ASXL3: variants seen among roughly 807,000 people sequenced by gnomAD.
The protein encoded by ASXL3 is putative Polycomb group protein ASXL3.
A neutral mutation model predicts 170.6 loss-of-function variants in ASXL3; 34 were observed. That is an observed-to-expected ratio of 0.20 (90% CI 0.15 to 0.27). The LOEUF (loss-of-function observed/expected upper bound fraction) is 0.27, where lower values mean the gene tolerates loss of function less well. Ranked by LOEUF, ASXL3 falls within the 10% of genes least tolerant of loss-of-function variation. The pLI is 1.00. For synonymous variants in ASXL3, 1,002 were observed against 989.1 expected (o/e 1.01, Z -0.24); for missense variants, 2,592 against 2,695.3 (o/e 0.96, Z 0.85).
intron 2 of ASXL3, among the ~76,000 whole-genome samples, chr18:33,615,177 C>A (rs1340031916): frequency 2.0e-5 from 3 of 152,126 alleles, no homozygotes; most frequent in Non-Finnish European, 1.5e-5. Context: ...CCACCTTTGT[C>A]AATGATCTTA....
chr18:33,604,434 T>C lies in ASXL3; in HGVS notation c.55-3160T>C, dbSNP rs1341793140. ...AATTAGATGTTTCGTTGAATTCCAA[T>C]CTCAATTTCATCTGGAAAAATAAAG... On this transcript the variant is annotated intron_variant, in intron 1 of 11. Transcript: ENST00000269197. Among the ~76,000 whole-genome samples the C allele has an allele frequency of 2.0e-5, 3 of 151,446 alleles. No individual in the cohort carries two copies. The East Asian group carries it at 5.9e-4, about 30-fold the overall frequency.
chr18:33,734,370 C>T lies in ASXL3; in HGVS notation c.1037C>T (p.Thr346Ile), dbSNP rs764330971. 1.4e-5 allele frequency: 22 copies of T among 1,609,068 alleles called. No individual in the cohort carries two copies. The highest frequency in any genetic ancestry group is 1.9e-5 in the Non-Finnish European group (22 of 1,178,030). Residue 346 changes from threonine (T) to isoleucine (I), a missense_variant, in exon 10 of 12, where the codon ACA (threonine) becomes ATA (isoleucine). By Grantham distance (89) the Thr-to-Ile change is moderately conservative. Coordinates refer to ENST00000269197, the MANE Select transcript of ASXL3 (RefSeq NM_030632.3). ...CAAGAAATTGAGAAGGAAAAGAAAACAGAACCTTGGAAAGAAAAATTCTTT... is the reference window on the plus strand; with the variant it reads ...CAAGAAATTGAGAAGGAAAAGAAAATAGAACCTTGGAAAGAAAAATTCTTT... ...IRQEIEKEKK[T>I]EPWKEKFFER...
chr18:33,630,858 G>A (rs956534657), intron 2 of ASXL3, among the ~76,000 whole-genome samples: 1 of 151,796 alleles, frequency 6.6e-6, no homozygotes, highest in Non-Finnish European at 1.5e-5. Flanking sequence ...TCTTCAACAT[G>A]TAATTTTTTT....
At position 33,744,195 on chromosome 18, in the gene ASXL3, T is replaced by C; in HGVS notation, c.4347T>C (p.Asn1449=). Reference sequence around the variant, plus strand: ...CAGGGCCTCGAAACAGGGCAGATAATTCTGGAAAACCTCAGCAACCACCAG... The same window carrying C: ...CAGGGCCTCGAAACAGGGCAGATAACTCTGGAAAACCTCAGCAACCACCAG... ...KNSGPRNRAD[N]SGKPQQPPGG... is the part of the protein sequence containing the mutation. The change falls in exon 12 of 12, where the codon AAT becomes AAC. Residue 1449 remains asparagine (N), a synonymous_variant. Coordinates refer to ENST00000269197, the MANE Select transcript of ASXL3 (RefSeq NM_030632.3). 1 of 1,613,920 alleles carries C rather than the reference T, an allele frequency of 6.2e-7. No individual in the cohort carries two copies. Among genetic ancestry groups the C allele is most frequent in the Non-Finnish European group, 8.5e-7 (1 of 1,179,896 alleles).
At chr18:33,656,070 A>C (rs1269985183) in intron 4 of ASXL3, among the ~76,000 whole-genome samples, 1 of 152,058 alleles carries the variant, frequency 6.6e-6, no homozygotes, top group Non-Finnish European at 1.5e-5. Context: ...AAAGTTGTGC[A>C]ACTGAATGAT....
intron 2 of ASXL3, among the ~76,000 whole-genome samples, chr18:33,638,550 C>T (rs2065803872): frequency 6.6e-6 from 1 of 152,078 alleles, no homozygotes; most frequent in African/African-American, 2.4e-5. Context: ...AATGTATTTC[C>T]TTGAAGTGCT....
At chr18:33,693,115 C>T (rs182995282) in intron 8 of ASXL3, among the ~76,000 whole-genome samples, 7 of 152,130 alleles carry the variant, frequency 4.6e-5, no homozygotes, top group South Asian at 2.1e-4. Flanking sequence ...TTTGTGGAGG[C>T]GCAATTCAGT....
chr18:33,593,622 A>G (rs993121866), intron 1 of ASXL3, among the ~76,000 whole-genome samples: 1 of 152,200 alleles, frequency 6.6e-6, no homozygotes, highest in Non-Finnish European at 1.5e-5. Flanking sequence ...ACTTACTGAT[A>G]TTCAGCCATA....
chr18:33,687,653 G>A (rs2066617752), intron 8 of ASXL3, among the ~76,000 whole-genome samples: 1 of 152,128 alleles, frequency 6.6e-6, no homozygotes, highest in African/African-American at 2.4e-5. Flanking sequence ...AGCTGTTAAG[G>A]CAATCTTTTT....
chr18:33,696,647 G>A (rs2066777614), intron 8 of ASXL3, among the ~76,000 whole-genome samples: 1 of 152,088 alleles, frequency 6.6e-6, no homozygotes, highest in Non-Finnish European at 1.5e-5. Context: ...GGGGGCTGGA[G>A]GCAAGGGTGG....
chr18:33,699,991 T>A lies in ASXL3; in HGVS notation c.879+16423T>A, dbSNP rs1211541498. 2.0e-5 allele frequency among the ~76,000 whole-genome samples: 3 copies of A among 152,130 alleles called. No individual in the cohort carries two copies. In the East Asian group the frequency reaches 5.8e-4, roughly 29 times the overall value. ...TTTGAGAACCATTTCATTTATTTGT[T>A]CAGGAGAAATCCAGATTGGAGTTAA... On this transcript the variant is annotated intron_variant, in intron 8 of 11. Transcript: ENST00000269197.
intron 8 of ASXL3, among the ~76,000 whole-genome samples, chr18:33,722,145 C>G (rs1320583418): frequency 2.0e-5 from 3 of 152,000 alleles, no homozygotes; most frequent in Non-Finnish European, 4.4e-5. Flanking sequence ...TCCCTATTTC[C>G]TAAGACAGAG....
At chr18:33,727,761 T>C (rs1251186936) in intron 8 of ASXL3, among the ~76,000 whole-genome samples, 10 of 152,210 alleles carry the variant, frequency 6.6e-5, no homozygotes, top group Non-Finnish European at 7.4e-5. Flanking sequence ...CATTCAAATA[T>C]ATCTTTTGTA....
At chr18:33,616,972 G>A (rs2065433113) in intron 2 of ASXL3, among the ~76,000 whole-genome samples, 2 of 152,102 alleles carry the variant, frequency 1.3e-5, no homozygotes, top group African/African-American at 4.8e-5. Context: ...AATTTTGAAA[G>A]TACAAAGACA....
In ASXL3 at chr18:33,745,502, A is replaced by G; in HGVS notation, c.5654A>G (p.Gln1885Arg). The change falls in exon 12 of 12, where the codon CAG becomes CGG. Residue 1885 changes from glutamine (Q) to arginine (R), a missense_variant. By Grantham distance (43) the Gln-to-Arg change is conservative (BLOSUM62 1). Around this residue, in one of 4 missense-constraint regions of ASXL3, gnomAD observed 2,246 missense variants for 2,219.6 expected, o/e 1.01. Coordinates refer to ENST00000269197, the MANE Select transcript of ASXL3 (RefSeq NM_030632.3). ...GAATGGCTAAACAAGCACTCCATGC[A>G]GAACAGAATTGTTCACAGCCCTGAG... Reference protein sequence around the residue: ...KQEWLNKHSMQNRIVHSPEVK... With the variant: ...KQEWLNKHSMRNRIVHSPEVK... 1 of 1,614,036 alleles carries G rather than the reference A, an allele frequency of 6.2e-7. No homozygotes were observed. The highest frequency in any genetic ancestry group is 8.5e-7 in the Non-Finnish European group (1 of 1,179,892).
At chr18:33,582,927 C>T (rs896249608) in intron 1 of ASXL3, among the ~76,000 whole-genome samples, 5 of 152,096 alleles carry the variant, frequency 3.3e-5, no homozygotes, top group East Asian at 1.9e-4. Flanking sequence ...AAGATTCACA[C>T]AGATTTCCTT....
chr18:33,743,254 A>G lies in ASXL3; in HGVS notation c.3406A>G (p.Lys1136Glu), dbSNP rs766276137. 1 of 1,613,902 alleles carries G rather than the reference A, an allele frequency of 6.2e-7. No individual in the cohort carries two copies. Among genetic ancestry groups the G allele is most frequent in the Non-Finnish European group, 8.5e-7 (1 of 1,179,824 alleles). The change falls in exon 12 of 12, where the codon AAG (lysine) becomes GAG (glutamate). Residue 1136 changes from lysine to glutamate, a missense_variant. By Grantham distance (56) the Lys-to-Glu change is moderately conservative. This residue lies in a region of ASXL3 where 2,246 missense variants were observed against 2,219.6 expected (regional missense o/e 1.01). Transcript: ENST00000269197. ...ETRLPPPLSS[K>E]EGPPNLEVSS... Reference sequence around the variant, plus strand: ...CCGGTTGCCTCCTCCGCTCAGCTCAAAGGAAGGGCCTCCAAACTTAGAAGT... The same window carrying G: ...CCGGTTGCCTCCTCCGCTCAGCTCAGAGGAAGGGCCTCCAAACTTAGAAGT...
rs2067809152 is a variant in ASXL3 at position 33,747,154 on chromosome 18, A to T, written c.*559A>T. The T allele has an allele frequency of 6.6e-6, 1 of 152,324 alleles. No homozygotes were observed. The highest frequency in any genetic ancestry group is 2.4e-5 in the African/African-American group (1 of 41,466). 9.4% of individuals were successfully genotyped at this position (152,324 alleles called of 1,614,324 possible). ...GATATATTAAAGGAGGTATGCCATT[A>T]ATGAAATCCACTGTCCTGAGTATTA... On this transcript the variant is annotated 3_prime_UTR_variant, in exon 12 of 12. Coordinates refer to ENST00000269197, the MANE Select transcript of ASXL3 (RefSeq NM_030632.3).
At chr18:33,710,072 G>A (rs764173108) in intron 8 of ASXL3, among the ~76,000 whole-genome samples, 7 of 152,082 alleles carry the variant, frequency 4.6e-5, no homozygotes, top group African/African-American at 1.7e-4. Context: ...CCTGACCAAC[G>A]TGGAGAAACC....
Sources: gnomAD v4.1 joint callset for allele counts (sites outside exome capture counted in the v4.1 genomes callset) on GRCh38, gnomAD v4.1.1 for gene constraint, gnomAD v4.1.1 regional missense constraint, MANE v1.5 for transcripts, NCBI Gene and HGNC (gene_info 2026-07-23, HGNC 2026-07-21) for gene names.